PTPRD: variants seen among roughly 807,000 people sequenced by gnomAD.
The protein encoded by PTPRD is receptor-type tyrosine-protein phosphatase delta.
Under a neutral mutation model 214.5 loss-of-function variants are expected in PTPRD, and 34 were observed. The observed-to-expected ratio is 0.16, with a 90% confidence interval of 0.12 to 0.21. The LOEUF (loss-of-function observed/expected upper bound fraction) is 0.21, where lower values mean the gene tolerates loss of function less well. PTPRD is among the 10% of genes least tolerant of loss of function. The pLI is 1.00. For missense variants in PTPRD, 2,545 were observed against 2,398.7 expected, an observed-to-expected ratio of 1.06 and a Z score of -1.27; for synonymous variants, 1,128 against 845.7, an observed-to-expected ratio of 1.33 and a Z score of -5.79.
chr9:9,775,714 C>A (rs879879020), intron 5 of PTPRD, among the ~76,000 whole-genome samples: 1 of 151,998 alleles, frequency 6.6e-6, no homozygotes, highest in Non-Finnish European at 1.5e-5. Context: ...GAGGCCAAGG[C>A]GGGTGGATCA....
chr9:8,639,086 C>T (rs1333216945), intron 12 of PTPRD, among the ~76,000 whole-genome samples: 1 of 152,162 alleles, frequency 6.6e-6, no homozygotes, highest in Non-Finnish European at 1.5e-5. Flanking sequence ...CGTGATCCAC[C>T]TGCCTTGGCC....
At chr9:9,079,723 G>A (rs780707447) in intron 10 of PTPRD, among the ~76,000 whole-genome samples, 9 of 152,012 alleles carry the variant, frequency 5.9e-5, no homozygotes, top group Non-Finnish European at 1.3e-4. Context: ...CTTTAGGGAG[G>A]GGATCAGGAC....
chr9:8,807,501 C>G (rs577220522), intron 11 of PTPRD, among the ~76,000 whole-genome samples: 2 of 152,154 alleles, frequency 1.3e-5, no homozygotes, highest in African/African-American at 4.8e-5. Flanking sequence ...AACAAAGCAA[C>G]TACACATGAG....
chr9:9,063,089 G>T (rs1430458214), intron 10 of PTPRD, among the ~76,000 whole-genome samples: 1 of 152,114 alleles, frequency 6.6e-6, no homozygotes, highest in African/African-American at 2.4e-5. Context: ...TACCTAGATT[G>T]TGTGTGAGAG....
intron 8 of PTPRD, among the ~76,000 whole-genome samples, chr9:9,441,514 G>A (rs1386910746): frequency 2.0e-5 from 3 of 152,146 alleles, no homozygotes; most frequent in African/African-American, 7.2e-5. Context: ...AAAAGGTGAT[G>A]ATGGAGGGAG....
chr9:9,588,388 GC>G (rs2092334011), intron 7 of PTPRD, among the ~76,000 whole-genome samples: 1 of 151,902 alleles, frequency 6.6e-6, no homozygotes, highest in East Asian at 1.9e-4. Flanking sequence ...CATTCAAACT[GC>G]TCAGAGGAAA....
At chr9:8,652,606 CT>C (rs780282299) in intron 12 of PTPRD, among the ~76,000 whole-genome samples, 28 of 152,322 alleles carry the variant, frequency 1.8e-4, no homozygotes, top group Admixed American at 4.6e-4. Flanking sequence ...CCAGGTTGGA[CT>C]TAGCTTTAGA....
At chr9:10,320,778 A>C (rs1303188557) in intron 3 of PTPRD, among the ~76,000 whole-genome samples, 3 of 151,942 alleles carry the variant, frequency 2.0e-5, no homozygotes, top group Non-Finnish European at 4.4e-5. Flanking sequence ...ACCAGGCTGG[A>C]GTACAGTGGC....
At chr9:9,279,840 G>C (rs1309030283) in intron 9 of PTPRD, among the ~76,000 whole-genome samples, 1 of 150,804 alleles carries the variant, frequency 6.6e-6, no homozygotes, top group Non-Finnish European at 1.5e-5. Flanking sequence ...TTAAAACTAT[G>C]GTCATACTTA....
In PTPRD at chr9:9,446,801, C is replaced by G. The variant is rs554559773; in HGVS notation, c.-236-49319G>C. On this transcript the variant is annotated intron_variant, in intron 8 of 45. Transcript: ENST00000381196. The stretch of plus-strand genomic sequence containing the variant: ...TCTAGTATCCCACATCTATAAGGAA[C>G]TTAAACACATTTACAATAAAAAGGA... 1.4e-4 allele frequency among the ~76,000 whole-genome samples: 21 copies of G among 152,084 alleles called. No homozygotes were observed. The South Asian group carries it at 3.9e-3, about 29-fold the overall frequency.
chr9:9,972,279 C>T (rs1336066930), intron 4 of PTPRD, among the ~76,000 whole-genome samples: 1 of 152,134 alleles, frequency 6.6e-6, no homozygotes, highest in Non-Finnish European at 1.5e-5. Flanking sequence ...TTCCTCCTTA[C>T]CTCTGTTCCA....
chr9:10,106,342 C>A (rs532681805), intron 3 of PTPRD, among the ~76,000 whole-genome samples: 34 of 151,976 alleles, frequency 2.2e-4, no homozygotes, highest in African/African-American at 8.0e-4. Context: ...GAAAGTCTAT[C>A]AATTTAATAA....
rs373017956 is a variant in PTPRD, at chr9:9,122,324, T to C, written c.-143+60980A>G. 9.2e-5 allele frequency among the ~76,000 whole-genome samples: 14 copies of C among 152,306 alleles called. No homozygotes were observed. In the East Asian group the frequency reaches 2.1e-3, roughly 23 times the overall value. ...TTGCCTTTTAAAACAAGAATTTCTA[T>C]TTTATTTTGTTTATTTCTATCTACA... On this transcript the variant is annotated intron_variant, in intron 10 of 45. Coordinates refer to ENST00000381196, the MANE Select transcript of PTPRD (RefSeq NM_002839.4).
chr9:8,866,838 G>C (rs917513600), intron 11 of PTPRD, among the ~76,000 whole-genome samples: 1 of 152,076 alleles, frequency 6.6e-6, no homozygotes, highest in Non-Finnish European at 1.5e-5. Flanking sequence ...TAGAATATCT[G>C]ATTCTTTGAA....
intron 4 of PTPRD, among the ~76,000 whole-genome samples, chr9:9,986,947 A>AC (rs2095735543): frequency 6.6e-6 from 1 of 151,962 alleles, no homozygotes; most frequent in South Asian, 2.1e-4. Context: ...GAATATTTAA[A>AC]CTGGCCCCTA....
chr9:8,503,905 A>G (rs1347315632), intron 23 of PTPRD, among the ~76,000 whole-genome samples: 2 of 152,208 alleles, frequency 1.3e-5, no homozygotes, highest in Admixed American at 1.3e-4. Flanking sequence ...TCATTTGCGA[A>G]GCCCTCCTAT....
chr9:9,047,405 T>C (rs2099674910), intron 10 of PTPRD, among the ~76,000 whole-genome samples: 1 of 152,072 alleles, frequency 6.6e-6, no homozygotes, highest in South Asian at 2.1e-4. Context: ...AAAATAATCC[T>C]AAAATTTCTT....
At chr9:8,357,073 A>G (rs1014739410) in intron 39 of PTPRD, among the ~76,000 whole-genome samples, 19 of 152,218 alleles carry the variant, frequency 1.2e-4, no homozygotes, top group African/African-American at 4.6e-4. Context: ...TCTATTTTAC[A>G]TAAGCTATAC....
intron 7 of PTPRD, among the ~76,000 whole-genome samples, chr9:9,708,466 T>C (rs1803262643): frequency 6.6e-6 from 1 of 152,088 alleles, no homozygotes; most frequent in African/African-American, 2.4e-5. Context: ...TCACATTACA[T>C]AGTCAATTAT....
Sources: gnomAD v4.1 joint callset for allele counts (sites outside exome capture counted in the v4.1 genomes callset) on GRCh38, gnomAD v4.1.1 for gene constraint, MANE v1.5 for transcripts, NCBI Gene and HGNC (gene_info 2026-07-23, HGNC 2026-07-21) for gene names.